RAP1A: variants seen among roughly 807,000 people sequenced by gnomAD.
RAP1A encodes the protein ras-related protein Rap-1A.
In RAP1A, 6 loss-of-function variants were observed where a neutral mutation model predicts 26.4. The ratio of observed to expected loss-of-function variants is 0.23; its 90% CI spans 0.12 to 0.45. The LOEUF is 0.45. Among genes scored for constraint, RAP1A ranks in the 20% least tolerant of loss-of-function variants. The pLI is 0.99. For synonymous variants in RAP1A, 73 were observed against 79.4 expected (o/e 0.92, Z 0.43); for missense variants, 121 against 217.2 (o/e 0.56, Z 2.78).
rs1000818059 is a variant in RAP1A, at chr1:111,713,017, TATATA to T, written c.*622_*626del. 2.0e-5 allele frequency: 3 copies of T among 152,572 alleles called. No homozygotes were observed. Among genetic ancestry groups the T allele is most frequent in the South Asian group, 4.1e-4 (2 of 4,834 alleles). 9.5% of individuals were successfully genotyped at this position (152,572 alleles called of 1,614,324 possible). ...ATTTCTATGGCTTTCAAAGCTAAAA[TATATA>T]ATATACTAAACCAACTCTAATATTG... On this transcript the variant is annotated 3_prime_UTR_variant, in exon 8 of 8. Transcript: ENST00000369709.
chr1:111,617,940 G>T (rs1045585982), upstream of RAP1A, among the ~76,000 whole-genome samples: 1 of 151,868 alleles, frequency 6.6e-6, no homozygotes, highest in Non-Finnish European at 1.5e-5. Context: ...CTGCTTTGGA[G>T]GCTGAGACAG....
chr1:111,670,470 G>A (rs540076817), intron 1 of RAP1A, among the ~76,000 whole-genome samples: 1 of 152,144 alleles, frequency 6.6e-6, no homozygotes, highest in African/African-American at 2.4e-5. Context: ...TTGAGACTCT[G>A]TCTCAAACTA....
At chr1:111,564,763 C>A (rs572147290) in intron 1 of RAP1A, among the ~76,000 whole-genome samples, 1 of 151,538 alleles carries the variant, frequency 6.6e-6, no homozygotes, top group Non-Finnish European at 1.5e-5. Context: ...CCATCCGCCT[C>A]GGCCTCCCAA....
intron 1 of RAP1A, among the ~76,000 whole-genome samples, chr1:111,682,718 C>CAATCATAGTGG (rs1200845523): frequency 6.6e-6 from 1 of 152,130 alleles, no homozygotes; most frequent in Non-Finnish European, 1.5e-5. Context: ...GACTTCCACA[C>CAATCATAGTGG]AATCATAGTG....
At chr1:111,632,585 T>C (rs970745465) in intron 1 of RAP1A, among the ~76,000 whole-genome samples, 2 of 151,776 alleles carry the variant, frequency 1.3e-5, no homozygotes, top group Admixed American at 1.3e-4. Context: ...GGAGGTAAAT[T>C]ATGGTTGAAG....
chr1:111,619,814 C>CCGCCGCTCCCGCTGCTGT lies in RAP1A; in HGVS notation c.-141_-124dup. 1 of 399,540 alleles carries CCGCCGCTCCCGCTGCTGT rather than the reference C, an allele frequency of 2.5e-6. No individual in the cohort carries two copies. The allele number at this position is 399,540 out of a possible 1,614,324, so 24.7% of individuals were successfully genotyped here. A position where few individuals can be genotyped will look rare whatever the true frequency, so the allele number is the denominator to read the frequency against. On this transcript the variant is annotated 5_prime_UTR_variant, in exon 1 of 8. Coordinates refer to ENST00000369709, the MANE Select transcript of RAP1A (RefSeq NM_002884.4). Reference sequence around the variant, plus strand: ...GCCGCCGCTCCCGAGGCCCCTGCCGCCGCCGCTCCCGCTGCTGTCGCCGCG... The same window carrying CCGCCGCTCCCGCTGCTGT: ...GCCGCCGCTCCCGAGGCCCCTGCCGCCGCCGCTCCCGCTGCTGTCGCCGCTCCCGCTGCTGTCGCCGCG...
Position 111,712,731 on chromosome 1 carries a change from C to G in RAP1A, c.*330C>G, listed in dbSNP as rs1662422916. On this transcript the variant is annotated 3_prime_UTR_variant, in exon 8 of 8. Coordinates refer to ENST00000369709, the MANE Select transcript of RAP1A (RefSeq NM_002884.4). Reference sequence around the variant, plus strand: ...AAATGTTAGATATTGCTACTATAATCAAATGATTTCATATTGATCTTTTTA... The same window carrying G: ...AAATGTTAGATATTGCTACTATAATGAAATGATTTCATATTGATCTTTTTA... The G allele has an allele frequency of 1.3e-5, 2 of 152,448 alleles. No homozygotes were observed. The highest frequency in any genetic ancestry group is 2.4e-5 in the African/African-American group (1 of 41,426). 9.4% of individuals were successfully genotyped at this position (152,448 alleles called of 1,614,324 possible). A position where few individuals can be genotyped will look rare whatever the true frequency, so the allele number is the denominator to read the frequency against.
At chr1:111,552,337 C>T (rs1020149727) in intron 1 of RAP1A, among the ~76,000 whole-genome samples, 4 of 152,142 alleles carry the variant, frequency 2.6e-5, no homozygotes, top group Admixed American at 6.5e-5. Context: ...AGAGATGGAA[C>T]GAAGGCAAGT....
At chr1:111,552,443 G>A (rs1657305485) in intron 1 of RAP1A, among the ~76,000 whole-genome samples, 1 of 152,198 alleles carries the variant, frequency 6.6e-6, no homozygotes, top group South Asian at 2.1e-4. Flanking sequence ...TAATTTCCAG[G>A]GTTCTGAAAA....
chr1:111,663,293 A>G (rs775579377), intron 1 of RAP1A, among the ~76,000 whole-genome samples: 5 of 152,182 alleles, frequency 3.3e-5, no homozygotes, highest in African/African-American at 4.8e-5. Flanking sequence ...CAGTGTATAT[A>G]TTCTTTTCAA....
chr1:111,559,617 C>A (rs2101045535), intron 1 of RAP1A, among the ~76,000 whole-genome samples: 1 of 152,210 alleles, frequency 6.6e-6, no homozygotes, highest in Non-Finnish European at 1.5e-5. Flanking sequence ...TCCAATGACA[C>A]AAACTATATT....
chr1:111,661,407 T>A (rs1211477501), intron 1 of RAP1A, among the ~76,000 whole-genome samples: 2 of 152,194 alleles, frequency 1.3e-5, no homozygotes, highest in Non-Finnish European at 2.9e-5. Context: ...ATTTAGTCTG[T>A]TATGGTTGAT....
chr1:111,675,665 G>A (rs116308691), intron 1 of RAP1A, among the ~76,000 whole-genome samples: 111 of 152,228 alleles, frequency 7.3e-4, no homozygotes, highest in Middle Eastern at 3.4e-3. Context: ...GTACAGAACT[G>A]GTACCTAGAA....
At chr1:111,544,101 A>G (rs1401113552) in intron 1 of RAP1A, among the ~76,000 whole-genome samples, 1 of 152,212 alleles carries the variant, frequency 6.6e-6, no homozygotes, top group African/African-American at 2.4e-5. Context: ...CATTTGTCCT[A>G]AAATAGCAGG....
At chr1:111,580,150 GTACTC>G (rs940253944) in intron 1 of RAP1A, among the ~76,000 whole-genome samples, 1 of 152,138 alleles carries the variant, frequency 6.6e-6, no homozygotes, top group Non-Finnish European at 1.5e-5. Context: ...AGTTGTATGC[GTACTC>G]AAAGTATGGT....
intron 2 of RAP1A, among the ~76,000 whole-genome samples, chr1:111,693,911 T>A (rs996360142): frequency 6.6e-6 from 1 of 151,576 alleles, no homozygotes; most frequent in Non-Finnish European, 1.5e-5. Context: ...TTTTTTTTTT[T>A]AAATCTTGAA....
intron 1 of RAP1A, among the ~76,000 whole-genome samples, chr1:111,630,268 A>C (rs1216255489): frequency 6.6e-6 from 1 of 152,156 alleles, no homozygotes; most frequent in African/African-American, 2.4e-5. Context: ...TTATCAGAAG[A>C]TTTTTTCATA....
intron 1 of RAP1A, among the ~76,000 whole-genome samples, chr1:111,605,279 G>T (rs569051093): frequency 2.0e-5 from 3 of 152,132 alleles, no homozygotes; most frequent in Admixed American, 1.3e-4. Context: ...CCAAATAAAC[G>T]TACATATGTT....
intron 1 of RAP1A, among the ~76,000 whole-genome samples, chr1:111,558,143 C>T (rs962227992): frequency 7.2e-5 from 11 of 151,986 alleles, no homozygotes; most frequent in African/African-American, 2.7e-4. Flanking sequence ...AATAAACAGA[C>T]CAAACTCTTT....
Sources: gnomAD v4.1 joint callset for allele counts (sites outside exome capture counted in the v4.1 genomes callset) on GRCh38, gnomAD v4.1.1 for gene constraint, MANE v1.5 for transcripts, NCBI Gene and HGNC (gene_info 2026-07-23, HGNC 2026-07-21) for gene names.